RXFP2: variants seen among roughly 807,000 people sequenced by gnomAD.
RXFP2 encodes the protein relaxin family peptide receptor 2, also known as relaxin receptor 2.
In RXFP2, 68 loss-of-function variants were observed where a neutral mutation model predicts 88.6. That is an observed-to-expected ratio of 0.77 (90% confidence interval 0.63 to 0.94). RXFP2 has a LOEUF of 0.94. Ranked by LOEUF, RXFP2 falls within the 40% of genes least tolerant of loss-of-function variation. The pLI, the probability that RXFP2 is intolerant of heterozygous loss-of-function variation, is 0.00. For synonymous variants in RXFP2, 329 were observed against 306.8 expected (o/e 1.07, Z -0.76); for missense variants, 791 against 893.9 (o/e 0.88, Z 1.47).
chr13:31,758,536 C>A (rs993317632), intron 2 of RXFP2, 132 bp downstream of exon 2: 668 of 985,364 alleles, frequency 6.8e-4, no homozygotes, highest in Non-Finnish European at 7.9e-4. Context: ...CTTTGAAACA[C>A]AAATAATGAC....
At chr13:31,795,181 GC>G (rs1593472583) in intron 16 of RXFP2, among the ~76,000 whole-genome samples, 1 of 146,066 alleles carries the variant, frequency 6.8e-6, no homozygotes, top group South Asian at 2.2e-4. Flanking sequence ...ACAGAGTCTT[GC>G]CCTGTCTCCC....
chr13:31,753,812 T>C (rs1385224023), intron 1 of RXFP2, among the ~76,000 whole-genome samples: 1 of 152,214 alleles, frequency 6.6e-6, no homozygotes, highest in African/African-American at 2.4e-5. Context: ...CAATTCCTTT[T>C]TTTTTTATTT....
chr13:31,793,740 T>C (rs1182032658), intron 16 of RXFP2, among the ~76,000 whole-genome samples: 1 of 152,182 alleles, frequency 6.6e-6, no homozygotes, highest in African/African-American at 2.4e-5. Context: ...AATTAAGGCC[T>C]TTCCTATATC....
intron 1 of RXFP2, among the ~76,000 whole-genome samples, chr13:31,755,738 A>G (rs1452194406): frequency 1.3e-5 from 2 of 152,232 alleles, no homozygotes; most frequent in Non-Finnish European, 2.9e-5. Flanking sequence ...AGTGCCATGC[A>G]GTGGAGAAGT....
chr13:31,751,473 C>G (rs1871669470), intron 1 of RXFP2, among the ~76,000 whole-genome samples: 1 of 152,160 alleles, frequency 6.6e-6, no homozygotes, highest in African/African-American at 2.4e-5. Context: ...GGGACCTGGT[C>G]TAGTCCTGTG....
chr13:31,800,353 G>A lies in RXFP2; in HGVS notation c.2006-1793G>A, dbSNP rs926505174. The stretch of plus-strand genomic sequence containing the variant: ...TGGGAGGCCGAGGTGGGCAGATCAC[G>A]AGATCAGGAGATCAAGACCATCCTG... On this transcript the variant is annotated intron_variant, in intron 17 of 17. Coordinates refer to ENST00000298386, the MANE Select transcript of RXFP2 (RefSeq NM_130806.5). Among the ~76,000 whole-genome samples the A allele has an allele frequency of 2.0e-5, 3 of 152,272 alleles. No homozygotes were observed. The East Asian group carries it at 5.8e-4, about 29-fold the overall frequency.
rs1874110331 is a variant in RXFP2 at position 31,797,425 on chromosome 13, T to A, written c.2005+6T>A. 1 of 1,601,242 alleles carries A rather than the reference T, an allele frequency of 6.2e-7. No individual in the cohort carries two copies. The highest frequency in any genetic ancestry group is 8.6e-7 in the Non-Finnish European group (1 of 1,168,626). The stretch of plus-strand genomic sequence containing the variant: ...CTTCCGGGTGGAAATACCAGGTCAG[T>A]CTCTTCTATCATTCCCAAGTATAAT... On this transcript the variant is annotated splice_donor_region_variant and intron_variant, in intron 17 of 17. Transcript: ENST00000298386.
At chr13:31,756,462 A>C (rs1276198950) in intron 1 of RXFP2, among the ~76,000 whole-genome samples, 1 of 151,788 alleles carries the variant, frequency 6.6e-6, no homozygotes, top group Non-Finnish European at 1.5e-5. Flanking sequence ...CATCTCCCAC[A>C]CCCGCCCAAG....
intron 3 of RXFP2, among the ~76,000 whole-genome samples, chr13:31,764,259 A>ACG (rs1872445268): frequency 2.7e-5 from 4 of 147,594 alleles, no homozygotes; most frequent in African/African-American, 1.0e-4. Flanking sequence ...ACACACACAC[A>ACG]CACACACACA....
intron 4 of RXFP2, 132 bp downstream of exon 4, chr13:31,765,274 T>C: frequency 1.5e-6 from 1 of 660,184 alleles, no homozygotes; most frequent in Non-Finnish European, 2.7e-6. Context: ...CATCAGAGAA[T>C]TCTCCATGCT....
chr13:31,778,685 T>C (rs1312427617), intron 9 of RXFP2, 102 bp downstream of exon 9: 2 of 897,454 alleles, frequency 2.2e-6, no homozygotes, highest in Non-Finnish European at 3.8e-6. Flanking sequence ...ATAATTTCTT[T>C]CCAAAATCAA....
intron 7 of RXFP2, among the ~76,000 whole-genome samples, chr13:31,776,092 C>CTTTCT (rs1229763433): frequency 1.5e-5 from 1 of 68,732 alleles, no homozygotes; most frequent in African/African-American, 5.9e-5. Context: ...TTCCTTCTTT[C>CTTTCT]TTTCTTTTCT....
chr13:31,775,375 T>A lies in RXFP2; in HGVS notation c.627T>A (p.His209Gln), dbSNP rs1408958677. 6.2e-7 allele frequency: 1 copy of A among 1,612,270 alleles called. No individual in the cohort carries two copies. Among genetic ancestry groups the A allele is most frequent in the Admixed American group, 1.7e-5 (1 of 60,002 alleles). The change falls in exon 7 of 18, where the codon CAT becomes CAA. Residue 209 changes from histidine to glutamine, a missense_variant. By Grantham distance (24) the His-to-Gln change is conservative (BLOSUM62 0). Coordinates refer to ENST00000298386, the MANE Select transcript of RXFP2 (RefSeq NM_130806.5). ...TLRPGIFKDL[H>Q]QLTWLILDDN... ...GACCTGGAATATTCAAAGACTTACA[T>A]CAGCTAACTTGGCTGTAAGTACTCT...
chr13:31,741,341 A>T (rs1871218898), intron 1 of RXFP2, among the ~76,000 whole-genome samples: 3 of 152,032 alleles, frequency 2.0e-5, no homozygotes, highest in Admixed American at 2.0e-4. Flanking sequence ...TTAAACCTTT[A>T]TGTTTAAAAT....
At chr13:31,783,157 C>A (rs1342656009) in intron 11 of RXFP2, among the ~76,000 whole-genome samples, 1 of 152,126 alleles carries the variant, frequency 6.6e-6, no homozygotes, top group Non-Finnish European at 1.5e-5. Flanking sequence ...AACAAATATG[C>A]TTACTAGTCC....
Position 31,802,168 on chromosome 13 carries a change from G to A in RXFP2, c.2028G>A (p.Val676=). 6.2e-7 allele frequency: 1 copy of A among 1,613,944 alleles called. No individual in the cohort carries two copies. Residue 676 remains valine, a synonymous_variant, in exon 18 of 18, where the codon GTG becomes GTA. Transcript: ENST00000298386. The stretch of plus-strand genomic sequence containing the variant: ...CAGACACAATGACTTCCTGGATAGT[G>A]ATTTTTTTCCTTCCAGTTAACAGTG... ...EIPDTMTSWI[V]IFFLPVNSAL... is the part of the protein sequence containing the mutation.
intron 1 of RXFP2, among the ~76,000 whole-genome samples, chr13:31,750,146 G>A (rs1301767865): frequency 2.0e-5 from 3 of 152,136 alleles, no homozygotes; most frequent in Non-Finnish European, 4.4e-5. Context: ...CAGAACAGAG[G>A]ACTAACCTCC....
At chr13:31,753,282 G>T (rs1191431331) in intron 1 of RXFP2, among the ~76,000 whole-genome samples, 2 of 152,190 alleles carry the variant, frequency 1.3e-5, no homozygotes. Context: ...GGAAAGTGTT[G>T]ATGGGGAGCA....
Position 31,754,547 on chromosome 13 carries a change from G to A in RXFP2, c.95-3711G>A, listed in dbSNP as rs373179435. ...TTCCATCTCAAGAAGAAAAAAAAAA[G>A]CAACTCATAGTTATTTTCATAATAA... On this transcript the variant is annotated intron_variant, in intron 1 of 17. Coordinates refer to ENST00000298386, the MANE Select transcript of RXFP2 (RefSeq NM_130806.5). 2.2e-4 allele frequency among the ~76,000 whole-genome samples: 33 copies of A among 151,460 alleles called. No individual in the cohort carries two copies. The East Asian group carries it at 6.2e-3, about 28-fold the overall frequency.
Sources: gnomAD v4.1 joint callset for allele counts (sites outside exome capture counted in the v4.1 genomes callset) on GRCh38, gnomAD v4.1.1 for gene constraint, MANE v1.5 for transcripts, NCBI Gene and HGNC (gene_info 2026-07-23, HGNC 2026-07-21) for gene names.